POU6F2: variants seen among roughly 807,000 people sequenced by gnomAD.
POU6F2 encodes the protein POU class 6 homeobox 2, also known as POU domain, class 6, transcription factor 2.
POU6F2 carries 31 observed loss-of-function variants against 71.3 expected under a neutral mutation model. That is an observed-to-expected ratio of 0.43 (90% CI 0.33 to 0.59). The LOEUF (loss-of-function observed/expected upper bound fraction) is 0.59, where lower values mean the gene tolerates loss of function less well. Ranked by LOEUF, POU6F2 falls within the 20% of genes least tolerant of loss-of-function variation. The pLI, the probability that POU6F2 is intolerant of heterozygous loss-of-function variation, is 0.04. For missense variants in POU6F2, 783 were observed against 856.8 expected (o/e 0.91, Z 1.07); for synonymous variants, 347 against 355.7 (o/e 0.98, Z 0.27).
At chr7:39,003,621 C>T (rs1211483762) in intron 1 of POU6F2, among the ~76,000 whole-genome samples, 1 of 150,160 alleles carries the variant, frequency 6.7e-6, no homozygotes, top group Admixed American at 6.7e-5. Flanking sequence ...TGGTGGCAGG[C>T]ACCTGTAGTC....
chr7:39,458,470 C>G (rs1193721617), intron 8 of POU6F2, among the ~76,000 whole-genome samples: 2 of 151,632 alleles, frequency 1.3e-5, no homozygotes, highest in Admixed American at 1.3e-4. Context: ...ATTTCTTTCA[C>G]GGGGAAAGGA....
intron 2 of POU6F2, among the ~76,000 whole-genome samples, chr7:39,175,856 G>C (rs1360286037): frequency 1.3e-5 from 2 of 151,958 alleles, no homozygotes; most frequent in Non-Finnish European, 2.9e-5. Context: ...TATCATCCTT[G>C]AGTCCCCTCC....
At chr7:39,200,717 A>T (rs1793880146) in intron 2 of POU6F2, among the ~76,000 whole-genome samples, 1 of 152,082 alleles carries the variant, frequency 6.6e-6, no homozygotes, top group Non-Finnish European at 1.5e-5. Context: ...TATTAGATTA[A>T]ATACAATTTA....
intron 1 of POU6F2, among the ~76,000 whole-genome samples, chr7:39,033,785 A>T (rs1243191187): frequency 4.6e-5 from 7 of 152,192 alleles, no homozygotes; most frequent in Non-Finnish European, 2.9e-5. Context: ...ACAATCTTTC[A>T]TACATTTATA....
At chr7:39,231,782 G>A (rs1011755694) in intron 4 of POU6F2, among the ~76,000 whole-genome samples, 4 of 123,474 alleles carry the variant, frequency 3.2e-5, no homozygotes, top group Non-Finnish European at 5.7e-5. Context: ...GACTGTGTGC[G>A]CCCCACTGGC....
chr7:39,413,100 G>A (rs1055820755), intron 6 of POU6F2, among the ~76,000 whole-genome samples: 29 of 151,546 alleles, frequency 1.9e-4, no homozygotes, highest in African/African-American at 6.5e-4. Flanking sequence ...CACCGCGCCC[G>A]GCCTTCTTGC....
At chr7:39,359,568 A>G (rs1786331816) in intron 5 of POU6F2, among the ~76,000 whole-genome samples, 1 of 152,188 alleles carries the variant, frequency 6.6e-6, no homozygotes, top group Non-Finnish European at 1.5e-5. Context: ...TAATTAAATT[A>G]TCACATTTCT....
Position 39,169,272 on chromosome 7 carries a change from T to A in POU6F2, c.278-34963T>A, listed in dbSNP as rs188665878. On this transcript the variant is annotated intron_variant, in intron 2 of 9. Coordinates refer to ENST00000518318, the MANE Select transcript of POU6F2 (RefSeq NM_001370959.1). The stretch of plus-strand genomic sequence containing the variant: ...TCACAGAAGAAAATTCTTATTCTTT[T>A]AAAAAGTTGACTTGAAACTCCCTTT... Among the ~76,000 whole-genome samples, 16 of 152,368 alleles carry A rather than the reference T, an allele frequency of 1.1e-4. No homozygotes were observed. The East Asian group carries it at 3.1e-3, about 29-fold the overall frequency.
intron 4 of POU6F2, among the ~76,000 whole-genome samples, chr7:39,291,015 G>A (rs1172401243): frequency 9.2e-4 from 113 of 122,264 alleles, no homozygotes; most frequent in African/African-American, 1.6e-3. Flanking sequence ...AAAGAGGACA[G>A]AAAAAAAAAA....
chr7:39,385,633 C>T (rs769306387), intron 5 of POU6F2, among the ~76,000 whole-genome samples: 1 of 152,184 alleles, frequency 6.6e-6, no homozygotes, highest in Admixed American at 6.5e-5. Context: ...CCCATTGAGA[C>T]TGGAGGAACT....
In POU6F2 at chr7:39,104,737, T is replaced by C. The variant is rs1035839889; in HGVS notation, c.277+18706T>C. Among the ~76,000 whole-genome samples, 3 of 152,240 alleles carry C rather than the reference T, an allele frequency of 2.0e-5. 1 individual carries two copies. The Middle Eastern group carries it at 9.5e-3, about 482-fold the overall frequency. ...TCTACTTTTGATAAGTGTCAACAAA[T>C]TAATGGACAGGTTTTATAATCACCA... On this transcript the variant is annotated intron_variant, in intron 2 of 9. Coordinates refer to ENST00000518318, the MANE Select transcript of POU6F2 (RefSeq NM_001370959.1).
intron 3 of POU6F2, 29 bp from the exon 4 acceptor site, chr7:39,207,363 G>A: frequency 6.3e-7 from 1 of 1,599,592 alleles, no homozygotes; most frequent in South Asian, 1.1e-5. Context: ...CCACAGGAAA[G>A]TGAGCTAGCT....
At chr7:39,426,613 C>T (rs1399459225) in intron 6 of POU6F2, among the ~76,000 whole-genome samples, 2 of 152,228 alleles carry the variant, frequency 1.3e-5, no homozygotes, top group African/African-American at 4.8e-5. Flanking sequence ...CTCTCTCACC[C>T]TCCCTTTTTC....
intron 4 of POU6F2, among the ~76,000 whole-genome samples, chr7:39,289,700 T>G (rs1261544049): frequency 6.6e-6 from 1 of 152,240 alleles, no homozygotes; most frequent in African/African-American, 2.4e-5. Flanking sequence ...TCCAATAATC[T>G]GAATTTATGG....
intron 4 of POU6F2, among the ~76,000 whole-genome samples, chr7:39,312,889 A>C (rs532388430): frequency 6.6e-6 from 1 of 152,168 alleles, no homozygotes; most frequent in South Asian, 2.1e-4. Context: ...TCATCACGCT[A>C]CTCGGAATGG....
intron 2 of POU6F2, among the ~76,000 whole-genome samples, chr7:39,157,920 G>A (rs547267565): frequency 1.7e-4 from 26 of 152,250 alleles, no homozygotes; most frequent in African/African-American, 6.0e-4. Context: ...GTTAGTAGCC[G>A]AAATATCTCC....
chr7:39,266,033 TCTC>T (rs1172786367), intron 4 of POU6F2, among the ~76,000 whole-genome samples: 8 of 152,188 alleles, frequency 5.3e-5, no homozygotes, highest in Non-Finnish European at 1.2e-4. Flanking sequence ...TGGTCTGCCT[TCTC>T]CTCGGAAGTG....
At chr7:39,061,018 A>G (rs987051930) in intron 1 of POU6F2, among the ~76,000 whole-genome samples, 3 of 152,138 alleles carry the variant, frequency 2.0e-5, no homozygotes, top group African/African-American at 7.2e-5. Context: ...ATCTATTGAT[A>G]TTTATTAAAT....
intron 4 of POU6F2, among the ~76,000 whole-genome samples, chr7:39,326,240 T>G (rs1785500442): frequency 1.3e-5 from 2 of 152,216 alleles, no homozygotes; most frequent in Non-Finnish European, 2.9e-5. Context: ...ACAGTGAATC[T>G]CAGACTTCTA....
Sources: gnomAD v4.1 joint callset for allele counts (sites outside exome capture counted in the v4.1 genomes callset) on GRCh38, gnomAD v4.1.1 for gene constraint, MANE v1.5 for transcripts, NCBI Gene and HGNC (gene_info 2026-07-23, HGNC 2026-07-21) for gene names.